Variants in STIM1 observed in about 807,000 individuals in gnomAD.
The protein encoded by STIM1 is stromal interaction molecule 1.
STIM1 carries 25 observed loss-of-function variants against 74.7 expected under a neutral mutation model. The observed-to-expected ratio is 0.33, with a 90% confidence interval of 0.24 to 0.47. The LOEUF is 0.47. STIM1 is among the 20% of genes least tolerant of loss of function. The probability of loss-of-function intolerance (pLI) is 1.00; values close to 1 mark genes in which losing one functional copy is unlikely to be tolerated. For missense variants in STIM1, 728 were observed against 920.8 expected, an observed-to-expected ratio of 0.79 and a Z score of 2.71; for synonymous variants, 328 against 348.8, an observed-to-expected ratio of 0.94 and a Z score of 0.66.
chr11:3,956,624 AAGAC>A (rs1480238221), intron 1 of STIM1, among the ~76,000 whole-genome samples: 3 of 151,670 alleles, frequency 2.0e-5, no homozygotes, highest in African/African-American at 7.3e-5. Context: ...GTGTAGTAAG[AAGAC>A]AGCCCAGAAT....
At chr11:4,038,569 A>G (rs1463671473) in intron 3 of STIM1, among the ~76,000 whole-genome samples, 4 of 152,098 alleles carry the variant, frequency 2.6e-5, no homozygotes, top group Admixed American at 2.6e-4. Context: ...CTCAAGAGTC[A>G]TTGTCCTTTG....
At chr11:4,049,719 C>T (rs2094223652) in intron 3 of STIM1, 1 of 89,558 alleles carries the variant, frequency 1.1e-5, no homozygotes, top group East Asian at 3.0e-4. Flanking sequence ...TGCCCAAACA[C>T]ACACACACAC....
chr11:3,972,234 G>A (rs191516091), intron 2 of STIM1, among the ~76,000 whole-genome samples: 22 of 152,316 alleles, frequency 1.4e-4, no homozygotes, highest in African/African-American at 4.1e-4. Context: ...TAACTGGACT[G>A]TAACCCCAGT....
At chr11:4,043,310 A>T (rs570487875) in intron 3 of STIM1, among the ~76,000 whole-genome samples, 1 of 152,204 alleles carries the variant, frequency 6.6e-6, no homozygotes, top group African/African-American at 2.4e-5. Context: ...AAAACATAGT[A>T]TGGAGACCAG....
intron 3 of STIM1, among the ~76,000 whole-genome samples, chr11:4,045,927 C>A (rs755758087): frequency 2.0e-5 from 3 of 149,724 alleles, no homozygotes; most frequent in Non-Finnish European, 4.4e-5. Flanking sequence ...ACACCATGCC[C>A]AGCTAATTTT....
At chr11:3,860,867 A>G (rs2090568117) in intron 1 of STIM1, among the ~76,000 whole-genome samples, 1 of 152,220 alleles carries the variant, frequency 6.6e-6, no homozygotes, top group African/African-American at 2.4e-5. Flanking sequence ...GAAGAAGTCT[A>G]CGTTTTGTAG....
intron 1 of STIM1, among the ~76,000 whole-genome samples, chr11:3,859,738 A>AT (rs1367878365): frequency 6.6e-6 from 1 of 152,170 alleles, no homozygotes; most frequent in African/African-American, 2.4e-5. Context: ...CTTGGTAGCT[A>AT]TGCTAATTTT....
chr11:3,930,801 A>T (rs1254708093), intron 1 of STIM1, among the ~76,000 whole-genome samples: 1 of 152,204 alleles, frequency 6.6e-6, no homozygotes, highest in Non-Finnish European at 1.5e-5. Flanking sequence ...AGGTTCTAGT[A>T]AAAAAGTAAC....
chr11:4,085,256 C>T (rs2094486841), intron 11 of STIM1, among the ~76,000 whole-genome samples: 1 of 152,148 alleles, frequency 6.6e-6, no homozygotes, highest in Non-Finnish European at 1.5e-5. Context: ...TATGCTGTCT[C>T]CCTGGTGGTC....
chr11:3,893,353 T>C (rs1246836884), intron 1 of STIM1, among the ~76,000 whole-genome samples: 3 of 152,232 alleles, frequency 2.0e-5, no homozygotes, highest in African/African-American at 7.2e-5. Flanking sequence ...CTAATGGAAA[T>C]TGTACATTTA....
intron 1 of STIM1, among the ~76,000 whole-genome samples, chr11:3,906,392 A>G (rs2092466125): frequency 6.6e-6 from 1 of 152,204 alleles, no homozygotes; most frequent in African/African-American, 2.4e-5. Context: ...TCATCCTTGT[A>G]TCCTGAGCAG....
At chr11:4,020,793 G>A (rs543659792) in intron 2 of STIM1, among the ~76,000 whole-genome samples, 2 of 151,656 alleles carry the variant, frequency 1.3e-5, no homozygotes, top group Non-Finnish European at 2.9e-5. Flanking sequence ...TGCACAGGCG[G>A]AGTCTCCCTA....
chr11:3,922,726 C>A, intron 1 of STIM1: 1 of 193,460 alleles, frequency 5.2e-6, no homozygotes, highest in East Asian at 1.2e-4. Context: ...GCAGGAAAAC[C>A]TCCTTTAAGG....
At chr11:4,015,583 G>A (rs1174037680) in intron 2 of STIM1, among the ~76,000 whole-genome samples, 2 of 152,160 alleles carry the variant, frequency 1.3e-5, no homozygotes, top group Non-Finnish European at 2.9e-5. Context: ...GAATTTGAAT[G>A]TTGGCCTGCC....
chr11:3,984,773 A>T (rs533778796), intron 2 of STIM1, among the ~76,000 whole-genome samples: 1 of 152,342 alleles, frequency 6.6e-6, no homozygotes, highest in East Asian at 1.9e-4. Flanking sequence ...TTGGAGACTC[A>T]CTTTCCTCAT....
chr11:4,054,270 A>C (rs1324650349), intron 3 of STIM1, among the ~76,000 whole-genome samples: 1 of 152,158 alleles, frequency 6.6e-6, no homozygotes, highest in Non-Finnish European at 1.5e-5. Context: ...GGCCAGAGCA[A>C]CCTGAGTTAG....
chr11:3,866,570 G>T (rs969493363), intron 1 of STIM1, among the ~76,000 whole-genome samples: 1 of 152,050 alleles, frequency 6.6e-6, no homozygotes. Flanking sequence ...GGGATTACAG[G>T]TGCGTGCCAC....
At chr11:3,868,137 T>C (rs1175840705) in intron 1 of STIM1, 1 of 152,186 alleles carries the variant, frequency 6.6e-6, no homozygotes, top group African/African-American at 2.4e-5. Flanking sequence ...TGTGTGTGTA[T>C]TTGTTGCTGG....
intron 2 of STIM1, among the ~76,000 whole-genome samples, chr11:4,013,540 G>A (rs1259334416): frequency 6.6e-6 from 1 of 150,880 alleles, no homozygotes; most frequent in Non-Finnish European, 1.5e-5. Context: ...TTCTCTTTGT[G>A]TAGAGGTGTT....
Sources: gnomAD v4.1 joint callset for allele counts (sites outside exome capture counted in the v4.1 genomes callset) on GRCh38, gnomAD v4.1.1 for gene constraint, MANE v1.5 for transcripts, NCBI Gene and HGNC (gene_info 2026-07-23, HGNC 2026-07-21) for gene names.